Variants in SHROOM2 observed in about 807,000 individuals in gnomAD.
SHROOM2 encodes the protein protein Shroom2.
In SHROOM2, 33 loss-of-function variants were observed where a neutral mutation model predicts 75.9. The ratio of observed to expected loss-of-function variants is 0.43; its 90% CI spans 0.33 to 0.58. The LOEUF (loss-of-function observed/expected upper bound fraction) is 0.58, where lower values mean the gene tolerates loss of function less well. Ranked by LOEUF, SHROOM2 falls within the 20% of genes least tolerant of loss-of-function variation. The pLI is 0.04. For missense variants in SHROOM2, 1,434 were observed against 1,461.2 expected (o/e 0.98, Z 0.30); for synonymous variants, 655 against 663.6 (o/e 0.99, Z 0.20).
intron 1 of SHROOM2, among the ~76,000 whole-genome samples, chrX:9,823,620 A>C: frequency 9.0e-6 from 1 of 111,675 alleles, no homozygotes; most frequent in East Asian, 2.8e-4. Flanking sequence ...AGAATCAGGT[A>C]GTAGTTACTT....
At chrX:9,810,322 G>C (rs961976100) in intron 1 of SHROOM2, among the ~76,000 whole-genome samples, 29 of 111,029 alleles carry the variant, frequency 2.6e-4, no homozygotes, top group Admixed American at 7.7e-4. Context: ...GTGTCCCCTT[G>C]ACCTTAATCA....
At chrX:9,823,162 CTTTT>C (rs2083868173) in intron 1 of SHROOM2, among the ~76,000 whole-genome samples, 1 of 46,060 alleles carries the variant, frequency 2.2e-5, no homozygotes, top group Non-Finnish European at 4.2e-5. Context: ...CCTTCTTCTT[CTTTT>C]CTTCTTCTTC....
intron 1 of SHROOM2, among the ~76,000 whole-genome samples, chrX:9,866,084 A>ATTTTTTTTTT (rs773543500): frequency 2.5e-5 from 2 of 78,761 alleles, no homozygotes; most frequent in Non-Finnish European, 4.7e-5. Flanking sequence ...GGGGCCAGGA[A>ATTTTTTTTTT]TTTTTTTTTT....
In SHROOM2 at chrX:9,932,387, A is replaced by G. The variant is rs1015014970; in HGVS notation, c.3104A>G (p.Gln1035Arg). Reference sequence around the variant, plus strand: ...CCAGCAGACTTGGGACCCCGAGCCCAGAGCCCTGGCTCACCCCTGCATGCT... The same window carrying G: ...CCAGCAGACTTGGGACCCCGAGCCCGGAGCCCTGGCTCACCCCTGCATGCT... Reference protein sequence around the residue: ...STPADLGPRAQSPGSPLHARG... With the variant: ...STPADLGPRARSPGSPLHARG... Residue 1035 changes from glutamine to arginine, a missense_variant, in exon 6 of 10, where the codon CAG becomes CGG. Around this residue, in one of 3 missense-constraint regions of SHROOM2, gnomAD observed 1,340 missense variants for 1,338.3 expected, o/e 1.00. Coordinates refer to ENST00000380913, the MANE Select transcript of SHROOM2 (RefSeq NM_001649.4). The G allele has an allele frequency of 2.6e-5, 31 of 1,207,402 alleles. No individual in the cohort carries two copies. The highest frequency in any genetic ancestry group is 3.1e-5 in the Non-Finnish European group (28 of 893,814).
chrX:9,884,363 C>CTTT (rs2084248443), intron 2 of SHROOM2, among the ~76,000 whole-genome samples: 6 of 61,107 alleles, frequency 9.8e-5, no homozygotes, highest in African/African-American at 4.0e-4. Context: ...TTTTTTTTTT[C>CTTT]TTTTCTTTTT....
chrX:9,905,968 T>C (rs5979205), intron 5 of SHROOM2, among the ~76,000 whole-genome samples: 5,885 of 111,536 alleles, frequency 0.053, 390 homozygotes, highest in African/African-American at 0.18. Context: ...CTTTGATAGC[T>C]GGGCCAAGAA....
chrX:9,894,376 G>A lies in SHROOM2; in HGVS notation c.468G>A (p.Leu156=), dbSNP rs2084311186. The part of the protein sequence containing the change: ...RHHASSSSHD[L]SSSWEQTNLQ... ...CTTGCAGTTCTTCCTCCCACGACCT[G>A]TCCAGTTCCTGGGAGCAGACGAACC... The change falls in exon 4 of 10, where the codon CTG becomes CTA. Residue 156 remains leucine (L), a synonymous_variant. Transcript: ENST00000380913. 8.3e-7 allele frequency: 1 copy of A among 1,209,220 alleles called. No homozygotes were observed. Among genetic ancestry groups the A allele is most frequent in the African/African-American group, 1.7e-5 (1 of 57,617 alleles).
At chrX:9,915,876 G>A (rs962997933) in intron 5 of SHROOM2, among the ~76,000 whole-genome samples, 34 of 112,036 alleles carry the variant, frequency 3.0e-4, no homozygotes, top group African/African-American at 9.7e-4. Flanking sequence ...TTGGGGTCAC[G>A]TGCAATTGTG....
chrX:9,839,902 C>T (rs778489524), intron 1 of SHROOM2, among the ~76,000 whole-genome samples: 3 of 112,014 alleles, frequency 2.7e-5, no homozygotes, highest in South Asian at 3.7e-4. Context: ...TGTCTGTTTC[C>T]GGTGCCATCG....
At chrX:9,923,695 A>G (rs1246862519) in intron 5 of SHROOM2, among the ~76,000 whole-genome samples, 2 of 112,213 alleles carry the variant, frequency 1.8e-5, no homozygotes, top group Non-Finnish European at 3.8e-5. Flanking sequence ...GGCCTGGAAC[A>G]GATCCTCAAA....
At chrX:9,856,490 A>G (rs937187153) in intron 1 of SHROOM2, among the ~76,000 whole-genome samples, 1 of 111,863 alleles carries the variant, frequency 8.9e-6, no homozygotes, top group African/African-American at 3.2e-5. Flanking sequence ...TGCTGTTTAG[A>G]ACTATTCTGT....
At chrX:9,911,739 G>A (rs1385156265) in intron 5 of SHROOM2, among the ~76,000 whole-genome samples, 7 of 111,916 alleles carry the variant, frequency 6.3e-5, no homozygotes, top group African/African-American at 2.0e-4. Context: ...GGAAACGCTT[G>A]TTAGTTGCTT....
intron 1 of SHROOM2, among the ~76,000 whole-genome samples, chrX:9,839,118 A>G (rs1415032969): frequency 9.0e-6 from 1 of 111,665 alleles, no homozygotes; most frequent in African/African-American, 3.3e-5. Context: ...GTGTTGAGAT[A>G]CATATCACTG....
chrX:9,833,646 GCA>G lies in SHROOM2; in HGVS notation c.166-40005_166-40004del, dbSNP rs1555925461. On this transcript the variant is annotated intron_variant, in intron 1 of 9. Transcript: ENST00000380913. ...TGTGTGTGTGTGTGTGTGTGTGTGT[GCA>G]TGCACGTGCACACATGATAACAGAA... Among the ~76,000 whole-genome samples the G allele has an allele frequency of 4.0e-3, 416 of 103,323 alleles. 4 individuals are homozygous for G. Among genetic ancestry groups the G allele is most frequent in the African/African-American group, 0.014 (399 of 28,422 alleles). 89.7% of individuals were successfully genotyped at this position (103,323 alleles called of 115,157 possible).
chrX:9,930,341 C>G (rs2084636004), intron 5 of SHROOM2, among the ~76,000 whole-genome samples: 1 of 110,015 alleles, frequency 9.1e-6, no homozygotes, highest in African/African-American at 3.3e-5. Flanking sequence ...CATGGTGAAA[C>G]CCTATCTCTA....
At chrX:9,885,244 G>A (rs1238523117) in intron 2 of SHROOM2, among the ~76,000 whole-genome samples, 2 of 110,360 alleles carry the variant, frequency 1.8e-5, no homozygotes, top group African/African-American at 3.3e-5. Context: ...TAAAGAGTGC[G>A]TGGCTTGTGC....
At chrX:9,892,266 A>AAG (rs1555933932) in intron 3 of SHROOM2, among the ~76,000 whole-genome samples, 1 of 108,687 alleles carries the variant, frequency 9.2e-6, no homozygotes, top group African/African-American at 3.3e-5. Flanking sequence ...AAAAAAAAAA[A>AAG]AAAAGAAAAG....
At chrX:9,890,562 G>A (rs1461056910) in intron 2 of SHROOM2, among the ~76,000 whole-genome samples, 1 of 113,765 alleles carries the variant, frequency 8.8e-6, no homozygotes, top group Non-Finnish European at 1.9e-5. Flanking sequence ...GCACTGTTTG[G>A]CACAAGCGTG....
intron 1 of SHROOM2, among the ~76,000 whole-genome samples, chrX:9,789,431 A>T (rs2146719070): frequency 9.1e-6 from 1 of 109,434 alleles, no homozygotes; most frequent in African/African-American, 3.3e-5. Context: ...TGGTGGAAAA[A>T]ATGCACTCAA....
Sources: allele counts gnomAD v4.1 joint callset (sites outside exome capture counted in the v4.1 genomes callset), GRCh38; gene constraint gnomAD v4.1.1; regional missense constraint gnomAD v4.1.1; transcripts MANE v1.5; gene names NCBI Gene and HGNC (gene_info 2026-07-23, HGNC 2026-07-21).